The following WDFY1 variants were observed in gnomAD, a reference collection of about 807,000 sequenced individuals.
WDFY1 encodes the protein WD repeat and FYVE domain-containing protein 1.
In WDFY1, 32 loss-of-function variants were observed where a neutral mutation model predicts 56.4. That is an observed-to-expected ratio of 0.57 (90% CI 0.43 to 0.76). WDFY1 has a LOEUF of 0.76. WDFY1 is among the 30% of genes least tolerant of loss of function. The pLI is 0.00. For synonymous variants in WDFY1, 192 were observed against 197.3 expected, an observed-to-expected ratio of 0.97 and a Z score of 0.23; for missense variants, 480 against 545.7, an observed-to-expected ratio of 0.88 and a Z score of 1.20.
At chr2:223,922,415 G>A (rs1430887891) in intron 1 of WDFY1, among the ~76,000 whole-genome samples, 1 of 152,166 alleles carries the variant, frequency 6.6e-6, no homozygotes, top group Non-Finnish European at 1.5e-5. Context: ...ATAAACAAGA[G>A]GCCAACTTCC....
intron 5 of WDFY1, 69 bp from the exon 6 acceptor site, chr2:223,899,139 C>G: frequency 7.8e-7 from 1 of 1,279,674 alleles, no homozygotes; most frequent in Non-Finnish European, 1.1e-6. Flanking sequence ...GAGATACCAG[C>G]ATTAGTCAAA....
intron 8 of WDFY1, among the ~76,000 whole-genome samples, chr2:223,886,979 G>T (rs938349745): frequency 6.6e-6 from 1 of 151,794 alleles, no homozygotes; most frequent in African/African-American, 2.4e-5. Flanking sequence ...TTTTTTTGAG[G>T]TGGGGGTGCA....
chr2:223,894,158 C>A (rs779284270), intron 8 of WDFY1, 76 bp downstream of exon 8: 87 of 1,434,838 alleles, frequency 6.1e-5, no homozygotes, highest in Non-Finnish European at 7.9e-5. Flanking sequence ...TTACAGCTTG[C>A]GGGGTGAAAA....
rs1373214795 is a variant in WDFY1, at chr2:223,876,849, A to C, written c.*1822T>G. ...TTCAGGAATTCATAAAATCCCTAGG[A>C]TAGCACCTTTGTATGGGCTGAACCA... On this transcript the variant is annotated 3_prime_UTR_variant, in exon 12 of 12. Coordinates refer to ENST00000233055, the MANE Select transcript of WDFY1 (RefSeq NM_020830.5). The C allele has an allele frequency of 6.6e-6, 1 of 152,222 alleles. No individual in the cohort carries two copies. Among genetic ancestry groups the C allele is most frequent in the Non-Finnish European group, 1.5e-5 (1 of 68,038 alleles). The allele number at this position is 152,222 out of a possible 1,614,324, so 9.4% of individuals were successfully genotyped here.
At chr2:223,940,491 G>A (rs1167192180) in intron 1 of WDFY1, among the ~76,000 whole-genome samples, 1 of 151,982 alleles carries the variant, frequency 6.6e-6, no homozygotes, top group Non-Finnish European at 1.5e-5. Flanking sequence ...TAACACATAA[G>A]GTCCAATTCT....
chr2:223,915,836 C>T (rs1466154264), intron 2 of WDFY1, among the ~76,000 whole-genome samples: 5 of 152,178 alleles, frequency 3.3e-5, no homozygotes, highest in African/African-American at 1.2e-4. Flanking sequence ...GATGTCCCAC[C>T]TATCTCTGCC....
intron 1 of WDFY1, 119 bp from the exon 2 acceptor site, chr2:223,918,129 TAACTGGACA>T (rs1422748517): frequency 1.0e-6 from 1 of 967,380 alleles, no homozygotes; most frequent in East Asian, 2.6e-5. Flanking sequence ...CTTATAAAAC[TAACTGGACA>T]AACTGGACAA....
chr2:223,945,233 T>C lies in WDFY1; in HGVS notation c.52A>G (p.Ser18Gly). 1 of 1,594,452 alleles carries C rather than the reference T, an allele frequency of 6.3e-7. No homozygotes were observed. The highest frequency in any genetic ancestry group is 8.5e-7 in the Non-Finnish European group (1 of 1,173,978). ...GCGTCCTGGTGCCCCTCGATCTTGC[T>C]CAGCAGCACCGGGCGGCTGCTCTGC... ...RPQSSRPVLL[S>G]KIEGHQDAVT... is the part of the protein sequence containing the mutation. Residue 18 changes from serine (S) to glycine (G), a missense_variant, in exon 1 of 12, where the codon AGC becomes GGC. Coordinates refer to ENST00000233055, the MANE Select transcript of WDFY1 (RefSeq NM_020830.5).
At chr2:223,917,853 T>A (rs532077885) in intron 2 of WDFY1, 90 bp downstream of exon 2, 1 of 1,493,064 alleles carries the variant, frequency 6.7e-7, no homozygotes, top group African/African-American at 1.4e-5. Context: ...ATTACAGGTG[T>A]GAGCCACCAT....
At chr2:223,910,153 G>GA (rs373552997) in intron 3 of WDFY1, among the ~76,000 whole-genome samples, 4 of 151,660 alleles carry the variant, frequency 2.6e-5, no homozygotes, top group South Asian at 2.1e-4. Flanking sequence ...TTAAATGGGG[G>GA]AAAAAAAATA....
chr2:223,924,067 G>A (rs963391755), intron 1 of WDFY1, among the ~76,000 whole-genome samples: 2 of 152,122 alleles, frequency 1.3e-5, no homozygotes, highest in Non-Finnish European at 2.9e-5. Flanking sequence ...CCTTAGAAAC[G>A]TGTTCATTCT....
intron 10 of WDFY1, among the ~76,000 whole-genome samples, chr2:223,880,707 T>C (rs1262537302): frequency 6.6e-6 from 1 of 151,820 alleles, no homozygotes; most frequent in Non-Finnish European, 1.5e-5. Context: ...TATAATTTAA[T>C]GATGACAGAA....
rs1317042883 is a variant in WDFY1 at position 223,876,835 on chromosome 2, A to G, written c.*1836T>C. 1 of 152,236 alleles carries G rather than the reference A, an allele frequency of 6.6e-6. No homozygotes were observed. The highest frequency in any genetic ancestry group is 1.5e-5 in the Non-Finnish European group (1 of 68,048). 9.4% of individuals were successfully genotyped at this position (152,236 alleles called of 1,614,324 possible). On this transcript the variant is annotated 3_prime_UTR_variant, in exon 12 of 12. Coordinates refer to ENST00000233055, the MANE Select transcript of WDFY1 (RefSeq NM_020830.5). ...TATTCTATTTTCCTTTCAGGAATTCATAAAATCCCTAGGATAGCACCTTTG... is the reference window on the plus strand; with the variant it reads ...TATTCTATTTTCCTTTCAGGAATTCGTAAAATCCCTAGGATAGCACCTTTG...
intron 2 of WDFY1, among the ~76,000 whole-genome samples, chr2:223,913,993 C>CTTTTTTTTTTTTTTTTT (rs386392770): frequency 3.4e-5 from 3 of 88,152 alleles, no homozygotes; most frequent in Admixed American, 1.8e-4. Flanking sequence ...AATCAGTTAG[C>CTTTTTTTTTTTTTTTTT]TTTTTTTTTT....
At chr2:223,900,506 T>C (rs1267608369) in intron 5 of WDFY1, among the ~76,000 whole-genome samples, 1 of 152,056 alleles carries the variant, frequency 6.6e-6, no homozygotes, top group Non-Finnish European at 1.5e-5. Flanking sequence ...GAGGTATCCT[T>C]AGGTAAGGGC....
rs746854830 is a variant in WDFY1, at chr2:223,895,492, G to A, written c.725+12C>T. The A allele has an allele frequency of 3.3e-5, 53 of 1,613,638 alleles. No individual in the cohort carries two copies. The South Asian group carries it at 5.4e-4, about 16-fold the overall frequency. On this transcript the variant is annotated intron_variant, in intron 7 of 11. Coordinates refer to ENST00000233055, the MANE Select transcript of WDFY1 (RefSeq NM_020830.5). ...TCGGATTCTTTCCCCACCCCCACAA[G>A]TGGTCACGCACTGATGGCCCTGAAG...
rs191393038 is a variant in WDFY1 at position 223,903,752 on chromosome 2, G to A, written c.334+2195C>T. Among the ~76,000 whole-genome samples, 143 of 151,036 alleles carry A rather than the reference G, an allele frequency of 9.5e-4. 1 individual carries two copies. Among genetic ancestry groups the A allele is most frequent in the Admixed American group, 8.9e-3 (134 of 15,108 alleles). ...TGTAATCTCTAACTCCTGGGCTCAA[G>A]TGATCCTCCCACCTCGGCCTCCCAA... is the stretch of plus-strand genomic sequence containing the variant. On this transcript the variant is annotated intron_variant, in intron 4 of 11. Transcript: ENST00000233055.
At chr2:223,924,173 A>G (rs1209054864) in intron 1 of WDFY1, among the ~76,000 whole-genome samples, 2 of 152,328 alleles carry the variant, frequency 1.3e-5, no homozygotes, top group African/African-American at 2.4e-5. Flanking sequence ...TTCAGAGCCT[A>G]ATAAATCTTT....
chr2:223,920,055 C>G (rs1174165136), intron 1 of WDFY1, among the ~76,000 whole-genome samples: 2 of 152,250 alleles, frequency 1.3e-5, no homozygotes, highest in Non-Finnish European at 2.9e-5. Context: ...CCACCTGAGT[C>G]CCCACGTCCT....
Sources: allele counts gnomAD v4.1 joint callset (sites outside exome capture counted in the v4.1 genomes callset), GRCh38; gene constraint gnomAD v4.1.1; transcripts MANE v1.5; gene names NCBI Gene and HGNC (gene_info 2026-07-23, HGNC 2026-07-21).